SLC39A11: variants seen among roughly 807,000 people sequenced by gnomAD.
SLC39A11 encodes the protein zinc transporter ZIP11.
Under a neutral mutation model 36.1 loss-of-function variants are expected in SLC39A11, and 33 were observed. That is an observed-to-expected ratio of 0.91 (90% CI 0.69 to 1.22). The LOEUF (loss-of-function observed/expected upper bound fraction) is 1.22. SLC39A11 is among the 50% of genes most tolerant of loss of function. The pLI is 0.00. For synonymous variants in SLC39A11, 166 were observed against 170.3 expected, an observed-to-expected ratio of 0.97 and a Z score of 0.20; for missense variants, 432 against 430.3, an observed-to-expected ratio of 1.00 and a Z score of -0.03.
chr17:72,789,641 G>C (rs1210316751), intron 6 of SLC39A11, among the ~76,000 whole-genome samples: 1 of 152,164 alleles, frequency 6.6e-6, no homozygotes, highest in Non-Finnish European at 1.5e-5. Context: ...TGGAAACATA[G>C]AACAACAACC....
chr17:72,785,375 A>T (rs2076473564), intron 6 of SLC39A11, among the ~76,000 whole-genome samples: 1 of 137,750 alleles, frequency 7.3e-6, no homozygotes, highest in Admixed American at 7.0e-5. Context: ...GGAAGAACCC[A>T]GAGAAAGAGT....
rs903090140 is a variant in SLC39A11, at chr17:72,649,024, A to G, written c.771-63T>C. ...AGGCAAGCAGACACTCCACGTGCCC[A>G]GACTGTTGGCTCAACCCTAGCACAT... On this transcript the variant is annotated intron_variant, in intron 8 of 9. Coordinates refer to ENST00000255559, the MANE Select transcript of SLC39A11 (RefSeq NM_139177.4). 8 of 1,576,308 alleles carry G rather than the reference A, an allele frequency of 5.1e-6. No homozygotes were observed. The South Asian group carries it at 8.0e-5, about 16-fold the overall frequency.
intron 6 of SLC39A11, among the ~76,000 whole-genome samples, chr17:72,788,248 C>G (rs550217491): frequency 1.3e-3 from 203 of 152,350 alleles, no homozygotes; most frequent in Non-Finnish European, 2.6e-3. Flanking sequence ...TCTGGCCTCT[C>G]TGCTATGCAT....
chr17:72,945,466 C>G (rs2085376570), intron 5 of SLC39A11, among the ~76,000 whole-genome samples: 1 of 152,198 alleles, frequency 6.6e-6, no homozygotes, highest in Admixed American at 6.5e-5. Flanking sequence ...TATTCAGGCT[C>G]CATCTGCATG....
At chr17:72,983,351 G>A (rs2088477739) in intron 4 of SLC39A11, among the ~76,000 whole-genome samples, 1 of 152,172 alleles carries the variant, frequency 6.6e-6, no homozygotes, top group Non-Finnish European at 1.5e-5. Flanking sequence ...GTTTCACCAT[G>A]TTGGCCAGGC....
chr17:72,744,325 C>T (rs2074840561), intron 6 of SLC39A11, among the ~76,000 whole-genome samples: 1 of 152,114 alleles, frequency 6.6e-6, no homozygotes, highest in Middle Eastern at 3.2e-3. Context: ...GGCCTCTACT[C>T]ACTAGATGCC....
rs1405570980 is a variant in SLC39A11, at chr17:72,939,607, C to T, written c.430+8145G>A. 2.0e-5 allele frequency among the ~76,000 whole-genome samples: 3 copies of T among 152,214 alleles called. No homozygotes were observed. In the East Asian group the frequency reaches 5.8e-4, roughly 29 times the overall value. On this transcript the variant is annotated intron_variant, in intron 5 of 9. Transcript: ENST00000255559. The stretch of plus-strand genomic sequence containing the variant: ...GGATACGGAGTTTTGGACATAGACA[C>T]ACTTCACAGACACACACAGGGACGA...
intron 5 of SLC39A11, among the ~76,000 whole-genome samples, chr17:72,891,493 C>G (rs563644983): frequency 6.6e-6 from 1 of 152,184 alleles, no homozygotes; most frequent in African/African-American, 2.4e-5. Flanking sequence ...TTCCAATCTC[C>G]CACCCTCATA....
chr17:73,035,863 CAAAAAAAAAAAAAA>C (rs1174297357), intron 3 of SLC39A11, among the ~76,000 whole-genome samples: 2 of 65,554 alleles, frequency 3.1e-5, no homozygotes, highest in Non-Finnish European at 5.3e-5. Flanking sequence ...CACTCCATCT[CAAAAAAAAAAAAAA>C]AAAAAAAAAA....
intron 4 of SLC39A11, among the ~76,000 whole-genome samples, chr17:73,001,397 ACT>A (rs1194288449): frequency 8.7e-6 from 1 of 114,438 alleles, no homozygotes; most frequent in Non-Finnish European, 1.6e-5. Flanking sequence ...GGAACATCAC[ACT>A]CTGGGGACTG....
intron 7 of SLC39A11, among the ~76,000 whole-genome samples, chr17:72,724,722 G>A (rs888098057): frequency 6.6e-6 from 1 of 151,904 alleles, no homozygotes; most frequent in African/African-American, 2.4e-5. Context: ...GCCAAGTGCA[G>A]AGGGGAACTT....
intron 5 of SLC39A11, among the ~76,000 whole-genome samples, chr17:72,861,688 T>TATATATATATATATATATATAA (rs1169877556): frequency 1.1e-5 from 1 of 88,800 alleles, no homozygotes; most frequent in African/African-American, 4.4e-5. Flanking sequence ...TATATATATA[T>TATATATATATATATATATATAA]AAAATATATA....
At chr17:72,932,590 A>G (rs1273135840) in intron 5 of SLC39A11, among the ~76,000 whole-genome samples, 1 of 152,014 alleles carries the variant, frequency 6.6e-6, no homozygotes, top group Non-Finnish European at 1.5e-5. Flanking sequence ...AAGAATCCAC[A>G]CCTGAACCAA....
At chr17:73,039,152 T>C (rs1042808905) in intron 3 of SLC39A11, among the ~76,000 whole-genome samples, 3 of 152,114 alleles carry the variant, frequency 2.0e-5, no homozygotes, top group Non-Finnish European at 2.9e-5. Context: ...TTTCACAGGA[T>C]TGTCCTAAGA....
chr17:72,730,904 C>T (rs998692884), intron 7 of SLC39A11, among the ~76,000 whole-genome samples: 12 of 152,150 alleles, frequency 7.9e-5, no homozygotes, highest in Admixed American at 2.0e-4. Context: ...GTGTGCGCCA[C>T]CACGTCCGGC....
intron 4 of SLC39A11, among the ~76,000 whole-genome samples, chr17:72,997,544 C>T (rs376656040): frequency 2.0e-5 from 3 of 152,170 alleles, no homozygotes; most frequent in East Asian, 1.9e-4. Flanking sequence ...TGAGCCACCA[C>T]GCCCAGCCAG....
At chr17:72,676,241 G>A (rs2071255901) in intron 7 of SLC39A11, among the ~76,000 whole-genome samples, 2 of 152,136 alleles carry the variant, frequency 1.3e-5, no homozygotes, top group Non-Finnish European at 2.9e-5. Context: ...TAGAGGGCTG[G>A]CATGGATGTG....
At chr17:72,783,298 C>G (rs1431408646) in intron 6 of SLC39A11, among the ~76,000 whole-genome samples, 1 of 152,166 alleles carries the variant, frequency 6.6e-6, no homozygotes, top group East Asian at 1.9e-4. Flanking sequence ...GTGTATGGCA[C>G]TTTGTTATAG....
intron 7 of SLC39A11, among the ~76,000 whole-genome samples, chr17:72,700,039 C>T (rs568362117): frequency 1.4e-5 from 2 of 138,604 alleles, no homozygotes; most frequent in Non-Finnish European, 3.3e-5. Context: ...GGGGTTTCTG[C>T]AAGAACAGAA....
Sources: gnomAD v4.1 joint callset for allele counts (sites outside exome capture counted in the v4.1 genomes callset) on GRCh38, gnomAD v4.1.1 for gene constraint, MANE v1.5 for transcripts, NCBI Gene and HGNC (gene_info 2026-07-23, HGNC 2026-07-21) for gene names.